CSMD1: variants seen among roughly 807,000 people sequenced by gnomAD.
CSMD1 encodes CUB and sushi domain-containing protein 1.
CSMD1 carries 213 observed loss-of-function variants against 417.5 expected under a neutral mutation model. That is an observed-to-expected ratio of 0.51 (90% CI 0.46 to 0.57). CSMD1 has a LOEUF of 0.57. Ranked by LOEUF, CSMD1 falls within the 20% of genes least tolerant of loss-of-function variation. The probability of loss-of-function intolerance (pLI) is 0.00; values close to 1 mark genes in which losing one functional copy is unlikely to be tolerated. For synonymous variants in CSMD1, 2,862 were observed against 1,736.8 expected (o/e 1.65, Z -16.11); for missense variants, 6,923 against 4,529.7 (o/e 1.53, Z -15.17).
chr8:3,959,678 C>G (rs1812193269), intron 5 of CSMD1, among the ~76,000 whole-genome samples: 1 of 152,168 alleles, frequency 6.6e-6, no homozygotes, highest in South Asian at 2.1e-4. Flanking sequence ...TGTCCTAGTA[C>G]AGCAGGTAAG....
Position 4,149,854 on chromosome 8 carries a change from T to A in CSMD1, c.416-117755A>T, listed in dbSNP as rs544453218. Among the ~76,000 whole-genome samples, 4 of 152,326 alleles carry A rather than the reference T, an allele frequency of 2.6e-5. No homozygotes were observed. In the East Asian group the frequency reaches 7.7e-4, roughly 29 times the overall value. ...TGGTTCATTCTCTTTATAAATTAAA[T>A]GCATAATGATTATTTGTAAGCTGAC... is the stretch of plus-strand genomic sequence containing the variant. On this transcript the variant is annotated intron_variant, in intron 3 of 69. Transcript: ENST00000635120.
intron 1 of CSMD1, among the ~76,000 whole-genome samples, chr8:4,803,646 T>C (rs545743621): frequency 1.9e-4 from 29 of 152,340 alleles, no homozygotes; most frequent in South Asian, 4.1e-4. Flanking sequence ...CTCCATCCAA[T>C]AGAATTCAAA....
intron 1 of CSMD1, among the ~76,000 whole-genome samples, chr8:4,776,728 A>T (rs1002566976): frequency 1.3e-5 from 2 of 152,202 alleles, no homozygotes; most frequent in African/African-American, 4.8e-5. Flanking sequence ...ATTTTGTAGC[A>T]AAGTGCCACA....
At chr8:4,157,493 G>A (rs73508808) in intron 3 of CSMD1, among the ~76,000 whole-genome samples, 5,747 of 151,874 alleles carry the variant, frequency 0.038, 352 homozygotes, top group African/African-American at 0.13. Context: ...TCTGACTAGC[G>A]GAGAAAGAGG....
At chr8:3,468,894 G>GAA in intron 11 of CSMD1, 70 bp from the exon 12 acceptor site, 1 of 1,032,316 alleles carries the variant, frequency 9.7e-7, no homozygotes, top group Non-Finnish European at 1.4e-6. Context: ...CTGAAAGGAG[G>GAA]GTCTTGCTGC....
chr8:3,363,227 A>G lies in CSMD1; in HGVS notation c.3115+3805T>C, dbSNP rs199839444. Among the ~76,000 whole-genome samples, 4 of 152,296 alleles carry G rather than the reference A, an allele frequency of 2.6e-5. No individual in the cohort carries two copies. In the East Asian group the frequency reaches 7.8e-4, roughly 30 times the overall value. On this transcript the variant is annotated intron_variant, in intron 20 of 69. Transcript: ENST00000635120. ...CTGTCAGAGACCTGCCTAGGCAATT[A>G]AAGAATGAGCGTACTCTCCTCTGTC...
chr8:3,505,106 C>G (rs1054746990), intron 10 of CSMD1, among the ~76,000 whole-genome samples: 1 of 152,066 alleles, frequency 6.6e-6, no homozygotes, highest in East Asian at 1.9e-4. Flanking sequence ...TAAAGTAACC[C>G]AAGCATCACA....
intron 3 of CSMD1, among the ~76,000 whole-genome samples, chr8:4,051,535 C>G (rs2554546): frequency 0.9 from 137,631 of 152,212 alleles, 62,413 homozygotes; most frequent in East Asian, 0.99. Context: ...AACTTCGAAT[C>G]AGCAGAGAAA....
rs572611203 is a variant in CSMD1, at chr8:4,345,170, C to T, written c.415+74783G>A. ...AGCAGAAAACAGTGGAAACAGATTTCCACTTACATGCAAGACATCGCATTG... is the reference window on the plus strand; with the variant it reads ...AGCAGAAAACAGTGGAAACAGATTTTCACTTACATGCAAGACATCGCATTG... On this transcript the variant is annotated intron_variant, in intron 3 of 69. Transcript: ENST00000635120. Among the ~76,000 whole-genome samples the T allele has an allele frequency of 7.2e-5, 11 of 152,246 alleles. No individual in the cohort carries two copies. In the South Asian group the frequency reaches 8.3e-4, roughly 11 times the overall value.
In CSMD1 at chr8:3,675,929, A is replaced by C. The variant is rs75398142; in HGVS notation, c.1009+32485T>G. 8.2e-3 allele frequency among the ~76,000 whole-genome samples: 1,243 copies of C among 152,230 alleles called. 15 individuals carry two copies. Among genetic ancestry groups the C allele is most frequent in the African/African-American group, 0.028 (1,175 of 41,544 alleles). ...TCTCAGCACTGTCCCATCATTGGAG[A>C]GTAATGTACCTGAGTATTATTTTCT... On this transcript the variant is annotated intron_variant, in intron 7 of 69. Transcript: ENST00000635120.
chr8:4,217,875 T>A (rs887786982), intron 3 of CSMD1, among the ~76,000 whole-genome samples: 3 of 151,812 alleles, frequency 2.0e-5, no homozygotes, highest in African/African-American at 7.3e-5. Context: ...AAAGGAAACA[T>A]AAGAGGAGGT....
chr8:4,848,313 T>A (rs1410101157), intron 1 of CSMD1, among the ~76,000 whole-genome samples: 1 of 152,222 alleles, frequency 6.6e-6, no homozygotes, highest in African/African-American at 2.4e-5. Context: ...AATACAGTCA[T>A]GTGCTGGATA....
chr8:4,857,483 T>C (rs1374024626), intron 1 of CSMD1, among the ~76,000 whole-genome samples: 1 of 151,924 alleles, frequency 6.6e-6, no homozygotes, highest in Non-Finnish European at 1.5e-5. Flanking sequence ...CAGGAGCTCG[T>C]TTTTTGAAAG....
At chr8:3,240,572 C>A (rs1339942448) in intron 26 of CSMD1, among the ~76,000 whole-genome samples, 1 of 151,808 alleles carries the variant, frequency 6.6e-6, no homozygotes, top group African/African-American at 2.4e-5. Context: ...TGGGGGCTGT[C>A]TGTGAAGCTT....
At chr8:3,156,213 A>G (rs1819518168) in intron 39 of CSMD1, among the ~76,000 whole-genome samples, 1 of 152,208 alleles carries the variant, frequency 6.6e-6, no homozygotes, top group Non-Finnish European at 1.5e-5. Flanking sequence ...GCAGTATGGC[A>G]TGTTTGAGGC....
At chr8:4,283,327 C>T (rs372461593) in intron 3 of CSMD1, among the ~76,000 whole-genome samples, 1 of 152,260 alleles carries the variant, frequency 6.6e-6, no homozygotes, top group Non-Finnish European at 1.5e-5. Flanking sequence ...TTCAGTTCTC[C>T]TTCACTGCTG....
At chr8:4,243,653 A>C (rs931886771) in intron 3 of CSMD1, among the ~76,000 whole-genome samples, 1 of 152,140 alleles carries the variant, frequency 6.6e-6, no homozygotes, top group Non-Finnish European at 1.5e-5. Context: ...TTCTTAAAAC[A>C]CATGTGTGAT....
At chr8:4,774,483 A>AT (rs1310208927) in intron 1 of CSMD1, among the ~76,000 whole-genome samples, 5 of 151,998 alleles carry the variant, frequency 3.3e-5, no homozygotes, top group Non-Finnish European at 5.9e-5. Context: ...TATGCTTGAT[A>AT]TTTTTTTACA....
intron 1 of CSMD1, among the ~76,000 whole-genome samples, chr8:4,720,420 A>AT (rs995019466): frequency 6.6e-6 from 1 of 151,946 alleles, no homozygotes; most frequent in Non-Finnish European, 1.5e-5. Flanking sequence ...CATTTGAATA[A>AT]TTTTTTTTGT....
Sources: gnomAD v4.1 joint callset for allele counts (sites outside exome capture counted in the v4.1 genomes callset) on GRCh38, gnomAD v4.1.1 for gene constraint, MANE v1.5 for transcripts, NCBI Gene and HGNC (gene_info 2026-07-23, HGNC 2026-07-21) for gene names.